Variants in LOC122319696 observed in about 807,000 individuals in gnomAD.
chrX:149,415,430 C>T, the LOC122319696 span, among the ~76,000 whole-genome samples: 3 of 111,466 alleles, frequency 2.7e-5, no homozygotes, highest in South Asian at 1.1e-3. Flanking sequence ...GGTTTGATTG[C>T]TCCATAACTT....
chrX:149,414,974 G>A, the LOC122319696 span, among the ~76,000 whole-genome samples: 8 of 111,274 alleles, frequency 7.2e-5, no homozygotes, highest in East Asian at 2.8e-4. Flanking sequence ...TTTTTTTACA[G>A]CATCTTGGGC....
At chrX:149,414,915 A>T in the LOC122319696 span, among the ~76,000 whole-genome samples, 1 of 111,808 alleles carries the variant, frequency 8.9e-6, no homozygotes, top group Non-Finnish European at 1.9e-5. Flanking sequence ...TGTTTTAATT[A>T]CCACCATCGC....
chrX:149,415,351 C>A, the LOC122319696 span, among the ~76,000 whole-genome samples: 2 of 111,104 alleles, frequency 1.8e-5, no homozygotes, highest in South Asian at 3.8e-4. Context: ...CCTTTTCTGG[C>A]CCTGGGTTGA....
chrX:149,415,288 G>A, the LOC122319696 span, among the ~76,000 whole-genome samples: 9 of 111,495 alleles, frequency 8.1e-5, no homozygotes, highest in African/African-American at 1.3e-4. Flanking sequence ...AGGAGACATA[G>A]GGGAGGGTGG....
At chrX:149,415,169 A>G in the LOC122319696 span, among the ~76,000 whole-genome samples, 1 of 111,669 alleles carries the variant, frequency 9.0e-6, no homozygotes, top group African/African-American at 3.3e-5. Flanking sequence ...TAGAGTGATC[A>G]CAAAAGGACC....
chrX:149,415,333 C>T, the LOC122319696 span, among the ~76,000 whole-genome samples: 2 of 111,294 alleles, frequency 1.8e-5, no homozygotes, highest in Non-Finnish European at 3.8e-5. Context: ...GGTGGTCTCA[C>T]CTTGCCCCCT....
At chrX:149,414,962 T>A in the LOC122319696 span, among the ~76,000 whole-genome samples, 2 of 110,836 alleles carry the variant, frequency 1.8e-5, no homozygotes, top group African/African-American at 3.3e-5. Flanking sequence ...AGGAGTGTCA[T>A]TTTTTTTTAC....
At chrX:149,414,923 C>T in the LOC122319696 span, among the ~76,000 whole-genome samples, 2 of 111,871 alleles carry the variant, frequency 1.8e-5, no homozygotes, top group African/African-American at 3.3e-5. Context: ...TTACCACCAT[C>T]GCTGTTTCAT....
the LOC122319696 span, among the ~76,000 whole-genome samples, chrX:149,415,463 G>A: frequency 4.5e-5 from 5 of 111,206 alleles, no homozygotes; most frequent in Non-Finnish European, 7.5e-5. Context: ...TCAACTTTCT[G>A]GTAACTTTAG....
the LOC122319696 span, among the ~76,000 whole-genome samples, chrX:149,415,228 A>T: frequency 9.0e-6 from 1 of 111,405 alleles, no homozygotes; most frequent in African/African-American, 3.3e-5. Context: ...GGAGCTTTGT[A>T]AAAAGGGACA....
the LOC122319696 span, among the ~76,000 whole-genome samples, chrX:149,415,118 C>T: frequency 5.4e-5 from 6 of 111,041 alleles, no homozygotes; most frequent in East Asian, 1.7e-3. Flanking sequence ...ATGAAGCAGT[C>T]GTTTTATCAC....
At chrX:149,415,291 G>T in the LOC122319696 span, among the ~76,000 whole-genome samples, 1 of 111,507 alleles carries the variant, frequency 9.0e-6, no homozygotes, top group Non-Finnish European at 1.9e-5. Flanking sequence ...AGACATAGGG[G>T]AGGGTGGATC....
At chrX:149,415,089 A>G in the LOC122319696 span, among the ~76,000 whole-genome samples, 1 of 110,393 alleles carries the variant, frequency 9.1e-6, no homozygotes, top group African/African-American at 3.3e-5. Flanking sequence ...GTACTAGACG[A>G]TTTTTTTCTT....
At chrX:149,414,956 G>C in the LOC122319696 span, among the ~76,000 whole-genome samples, 1 of 111,870 alleles carries the variant, frequency 8.9e-6, no homozygotes, top group African/African-American at 3.3e-5. Context: ...TCTTGTAGGA[G>C]TGTCATTTTT....
the LOC122319696 span, among the ~76,000 whole-genome samples, chrX:149,414,920 C>T: frequency 3.6e-5 from 4 of 111,879 alleles, no homozygotes; most frequent in South Asian, 3.8e-4. Flanking sequence ...TAATTACCAC[C>T]ATCGCTGTTT....
the LOC122319696 span, among the ~76,000 whole-genome samples, chrX:149,414,961 A>AT: frequency 2.6e-4 from 29 of 109,944 alleles, no homozygotes; most frequent in African/African-American, 6.0e-4. Context: ...TAGGAGTGTC[A>AT]TTTTTTTTTA....
At chrX:149,415,361 A>C in the LOC122319696 span, among the ~76,000 whole-genome samples, 1 of 111,348 alleles carries the variant, frequency 9.0e-6, no homozygotes, top group African/African-American at 3.3e-5. Flanking sequence ...CCCTGGGTTG[A>C]CAGGATTTCT....
chrX:149,415,103 C>T, the LOC122319696 span, among the ~76,000 whole-genome samples: 1 of 110,976 alleles, frequency 9.0e-6, no homozygotes, highest in Non-Finnish European at 1.9e-5. Flanking sequence ...TTTTCTTGAA[C>T]TCCCATGAAG....
At chrX:149,415,249 A>C in the LOC122319696 span, among the ~76,000 whole-genome samples, 1 of 111,398 alleles carries the variant, frequency 9.0e-6, no homozygotes, top group Non-Finnish European at 1.9e-5. Context: ...TGGGCTAATG[A>C]GGGGGTTTGT....
Sources: allele counts gnomAD v4.1 joint callset (sites outside exome capture counted in the v4.1 genomes callset), GRCh38; gene constraint gnomAD v4.1.1; transcripts MANE v1.5.